The following RALGAPB variants were observed in gnomAD, a reference collection of about 807,000 sequenced individuals.
RALGAPB encodes the protein Ral GTPase activating protein non-catalytic subunit beta.
In RALGAPB, 25 loss-of-function variants were observed where a neutral mutation model predicts 161.1. The observed-to-expected ratio is 0.16, with a 90% CI of 0.11 to 0.22. RALGAPB has a LOEUF of 0.22. Ranked by LOEUF, RALGAPB falls within the 10% of genes least tolerant of loss-of-function variation. The pLI is 1.00. For synonymous variants in RALGAPB, 629 were observed against 626.1 expected, an observed-to-expected ratio of 1.00 and a Z score of -0.07; for missense variants, 1,391 against 1,815.2, an observed-to-expected ratio of 0.77 and a Z score of 4.25.
chr20:38,521,684 A>G lies in RALGAPB; in HGVS notation c.1605A>G (p.Pro535=). The change falls in exon 10 of 30, where the codon CCA becomes CCG. Residue 535 remains proline (P), a synonymous_variant. Coordinates refer to ENST00000262879, the MANE Select transcript of RALGAPB (RefSeq NM_020336.4). ...CSKKTGEEIL[P]AYLSRFYMLL... is the part of the protein sequence containing the mutation. ...AGAAGACTGGAGAAGAGATTCTGCCAGCTTATTTATCCAGGTCTTGGAATT... is the reference window on the plus strand; with the variant it reads ...AGAAGACTGGAGAAGAGATTCTGCCGGCTTATTTATCCAGGTCTTGGAATT... 3.1e-6 allele frequency: 5 copies of G among 1,613,966 alleles called. No individual in the cohort carries two copies. Among genetic ancestry groups the G allele is most frequent in the African/African-American group, 2.7e-5 (2 of 75,026 alleles).
At chr20:38,480,141 C>T (rs779178859) in intron 1 of RALGAPB, among the ~76,000 whole-genome samples, 6 of 151,806 alleles carry the variant, frequency 4.0e-5, no homozygotes, top group Non-Finnish European at 7.4e-5. Flanking sequence ...GCCACCATGC[C>T]CGGCTAAGAT....
At position 38,548,787 on chromosome 20, in the gene RALGAPB, A is replaced by C. The variant is rs2087260252; in HGVS notation, c.3001A>C (p.Asn1001His). The C allele has an allele frequency of 6.2e-7, 1 of 1,608,788 alleles. No homozygotes were observed. The highest frequency in any genetic ancestry group is 8.5e-7 in the Non-Finnish European group (1 of 1,175,280). The change falls in exon 20 of 30, where the codon AAT becomes CAT. Residue 1001 changes from asparagine (N) to histidine (H), a missense_variant. Physicochemically the swap from Asn to His is moderately conservative, Grantham distance 68. Transcript: ENST00000262879. ...TCTTTTACCCAGAGGAGCAAAAGCA[A>C]ATCAGAAGGTATTCATCAGAAGTTA... ...LCLLPRGAKA[N>H]QKLFVPEPRP...
chr20:38,530,788 G>T (rs532496030), intron 13 of RALGAPB, among the ~76,000 whole-genome samples: 1 of 151,124 alleles, frequency 6.6e-6, no homozygotes, highest in Admixed American at 6.6e-5. Context: ...GTAGAGATGG[G>T]GTTTCACCAT....
At position 38,517,588 on chromosome 20, in the gene RALGAPB, C is replaced by T. The variant is rs1401769495; in HGVS notation, c.1134C>T (p.Thr378=). The change falls in exon 8 of 30, where the codon ACC becomes ACT. Residue 378 remains threonine, a synonymous_variant. Coordinates refer to ENST00000262879, the MANE Select transcript of RALGAPB (RefSeq NM_020336.4). The part of the protein sequence containing the change: ...LSMPQSAAVS[T]TPPHNRRHRA... ...TGCCTCAAAGTGCTGCTGTCAGTAC[C>T]ACCCCCCCACATAACCGGAGGCACC... is the stretch of plus-strand genomic sequence containing the variant. 1 of 1,613,808 alleles carries T rather than the reference C, an allele frequency of 6.2e-7. No homozygotes were observed. Among genetic ancestry groups the T allele is most frequent in the East Asian group, 2.2e-5 (1 of 44,884 alleles).
intron 22 of RALGAPB, among the ~76,000 whole-genome samples, chr20:38,556,347 A>G (rs2087585928): frequency 6.6e-6 from 1 of 152,168 alleles, no homozygotes; most frequent in Non-Finnish European, 1.5e-5. Flanking sequence ...ATATAACTAC[A>G]GTACAGTATA....
rs75722049 is a variant in RALGAPB at position 38,539,378 on chromosome 20, T to C, written c.2380-398T>C. Among the ~76,000 whole-genome samples the C allele has an allele frequency of 6.0e-3, 908 of 152,286 alleles. 11 individuals are homozygous for C. The highest frequency in any genetic ancestry group is 0.021 in the African/African-American group (874 of 41,548). ...ATTGACCAGTTGTATACTTGAAATA[T>C]TGGGCAATTTATGACAATTATGCCT... On this transcript the variant is annotated intron_variant, in intron 16 of 29. Coordinates refer to ENST00000262879, the MANE Select transcript of RALGAPB (RefSeq NM_020336.4).
chr20:38,565,316 C>T (rs1170612822), intron 24 of RALGAPB, 43 bp from the exon 25 acceptor site: 4 of 1,592,550 alleles, frequency 2.5e-6, no homozygotes, highest in Admixed American at 3.6e-5. Flanking sequence ...TGGTTTTTTC[C>T]TACTTTTTGA....
intron 1 of RALGAPB, among the ~76,000 whole-genome samples, chr20:38,483,962 G>C (rs1276285660): frequency 6.6e-6 from 1 of 152,102 alleles, no homozygotes; most frequent in African/African-American, 2.4e-5. Flanking sequence ...AGGCCGAGGT[G>C]GGTGGATCAC....
chr20:38,508,220 G>A (rs945238360), intron 5 of RALGAPB, among the ~76,000 whole-genome samples: 4 of 151,828 alleles, frequency 2.6e-5, no homozygotes, highest in Admixed American at 6.6e-5. Flanking sequence ...GTCACAGAAA[G>A]ACATTTAAAA....
chr20:38,509,987 T>C (rs1424499393), intron 6 of RALGAPB, among the ~76,000 whole-genome samples: 1 of 152,202 alleles, frequency 6.6e-6, no homozygotes, highest in Non-Finnish European at 1.5e-5. Flanking sequence ...TAAATGTCTT[T>C]CTGTGATCAT....
In RALGAPB at chr20:38,493,083, C is replaced by G; in HGVS notation, c.340C>G (p.Gln114Glu). ...ATTGCCAGTTATTAAAGAGCCTAAT[C>G]AATATGTTCAAACTATACTAAAACA... ...IPLPVIKEPNQYVQTILKHLQ... is the reference protein window; with the variant it reads ...IPLPVIKEPNEYVQTILKHLQ... The change falls in exon 3 of 30, where the codon CAA (glutamine) becomes GAA (glutamate). Residue 114 changes from glutamine (Q) to glutamate (E), a missense_variant. Physicochemically the swap from Gln to Glu is conservative, Grantham distance 29. Transcript: ENST00000262879. 1.2e-6 allele frequency: 2 copies of G among 1,611,628 alleles called. No individual in the cohort carries two copies. The highest frequency in any genetic ancestry group is 1.1e-5 in the South Asian group (1 of 90,982).
intron 22 of RALGAPB, among the ~76,000 whole-genome samples, chr20:38,555,689 C>G (rs2087564220): frequency 6.6e-6 from 1 of 152,166 alleles, no homozygotes; most frequent in South Asian, 2.1e-4. Context: ...CTTCTGTTAT[C>G]TGTTCTAGTT....
chr20:38,484,107 A>C (rs1017241237), intron 1 of RALGAPB, among the ~76,000 whole-genome samples: 1 of 152,076 alleles, frequency 6.6e-6, no homozygotes, highest in Non-Finnish European at 1.5e-5. Context: ...TGAACCCAGG[A>C]GGCGAGGTCA....
intron 3 of RALGAPB, among the ~76,000 whole-genome samples, chr20:38,495,087 A>G (rs773627001): frequency 2.6e-5 from 4 of 152,242 alleles, no homozygotes; most frequent in Admixed American, 6.5e-5. Context: ...AATATTTTCA[A>G]TGGTAAGTAT....
In RALGAPB at chr20:38,576,026, T is replaced by G. The variant is rs1399878037; in HGVS notation, c.*1059T>G. 1.3e-5 allele frequency: 2 copies of G among 152,334 alleles called. No individual in the cohort carries two copies. The highest frequency in any genetic ancestry group is 4.8e-5 in the African/African-American group (2 of 41,422). 9.4% of individuals were successfully genotyped at this position (152,334 alleles called of 1,614,324 possible). ...TGACCACCTCTTTGGGTGGCTACTGTTAGAAATGGCTGTTGTCATGTTTTC... is the reference window on the plus strand; with the variant it reads ...TGACCACCTCTTTGGGTGGCTACTGGTAGAAATGGCTGTTGTCATGTTTTC... On this transcript the variant is annotated 3_prime_UTR_variant, in exon 30 of 30. Transcript: ENST00000262879.
At chr20:38,520,943 C>T (rs1312198227) in intron 9 of RALGAPB, among the ~76,000 whole-genome samples, 3 of 151,988 alleles carry the variant, frequency 2.0e-5, no homozygotes, top group African/African-American at 4.8e-5. Context: ...CTTGGTTGAG[C>T]GATTCTTTGG....
chr20:38,535,223 CTT>C lies in RALGAPB; in HGVS notation c.2379+19_2379+20del. On this transcript the variant is annotated intron_variant, in intron 16 of 29. Coordinates refer to ENST00000262879, the MANE Select transcript of RALGAPB (RefSeq NM_020336.4). ...CCTTGCAAAGGTGAGGAAGACAGTC[CTT>C]TTATTTTAACCCAACAGCCTTGGGC... 6.2e-7 allele frequency: 1 copy of C among 1,613,650 alleles called. No individual in the cohort carries two copies. Among genetic ancestry groups the C allele is most frequent in the African/African-American group, 1.3e-5 (1 of 75,028 alleles).
intron 12 of RALGAPB, 58 bp from the exon 13 acceptor site, chr20:38,525,837 C>T: frequency 1.3e-6 from 2 of 1,550,942 alleles, no homozygotes; most frequent in Admixed American, 1.8e-5. Flanking sequence ...TAGCTGTTCC[C>T]ACATGGGCAT....
chr20:38,537,281 G>T (rs1224278678), intron 16 of RALGAPB, among the ~76,000 whole-genome samples: 1 of 151,998 alleles, frequency 6.6e-6, no homozygotes, highest in African/African-American at 2.4e-5. Context: ...AAAACAATTG[G>T]ATAGTCATAC....
Sources: gnomAD v4.1 joint callset for allele counts (sites outside exome capture counted in the v4.1 genomes callset) on GRCh38, gnomAD v4.1.1 for gene constraint, MANE v1.5 for transcripts, NCBI Gene and HGNC (gene_info 2026-07-23, HGNC 2026-07-21) for gene names.